KIF1B: variants seen among roughly 807,000 people sequenced by gnomAD.
The protein encoded by KIF1B is kinesin-like protein KIF1B.
Under a neutral mutation model 241.9 loss-of-function variants are expected in KIF1B, and 76 were observed. The ratio of observed to expected loss-of-function variants is 0.31; its 90% CI spans 0.26 to 0.38. The LOEUF is 0.38. Ranked by LOEUF, KIF1B falls within the 10% of genes least tolerant of loss-of-function variation. The probability of loss-of-function intolerance (pLI) is 1.00; values close to 1 mark genes in which losing one functional copy is unlikely to be tolerated. For synonymous variants in KIF1B, 750 were observed against 796.7 expected (o/e 0.94, Z 0.99); for missense variants, 1,622 against 2,271.4 (o/e 0.71, Z 5.81).
intron 40 of KIF1B, 115 bp from the exon 41 acceptor site, chr1:10,363,168 C>A: frequency 1.3e-6 from 1 of 762,468 alleles, no homozygotes; most frequent in Non-Finnish European, 2.2e-6. Flanking sequence ...TAAGAAATGC[C>A]TGGAATTATA....
At chr1:10,304,993 T>C in intron 22 of KIF1B, 5 of 1,122,020 alleles carry the variant, frequency 4.5e-6, no homozygotes, top group Non-Finnish European at 5.5e-6. Flanking sequence ...TAATCTGACA[T>C]CCAGAAAGAC....
rs1651741491 is a variant in KIF1B, at chr1:10,326,873, T to C, written c.2924+514T>C. ...GAGTAGAGTTAAATTTATTTTTTGC[T>C]TAGTCTACTGAATCCTAAAAAGAAT... On this transcript the variant is annotated intron_variant, in intron 27 of 48. Transcript: ENST00000676179. This position sits in a 1 kb window ranked among gnomAD's most constrained non-coding sequence, Gnocchi z 5.2. Among the ~76,000 whole-genome samples the C allele has an allele frequency of 6.6e-6, 1 of 152,206 alleles. No homozygotes were observed. The highest frequency in any genetic ancestry group is 1.5e-5 in the Non-Finnish European group (1 of 68,034).
rs1300236372 is a variant in KIF1B at position 10,361,747 on chromosome 1, A to G, written c.4226A>G (p.Tyr1409Cys). The change falls in exon 40 of 49, where the codon TAC (tyrosine) becomes TGC (cysteine). Residue 1409 changes from tyrosine (Y) to cysteine (C), a missense_variant. By Grantham distance (194) the Tyr-to-Cys change is radical (BLOSUM62 -2). This residue lies in a region of KIF1B where 803 missense variants were observed against 1,112.0 expected (regional missense o/e 0.72). Coordinates refer to ENST00000676179, the MANE Select transcript of KIF1B (RefSeq NM_001365951.3). ...ACCAAGGATGTGTGCATGGTCTTCTACTCCCGAGATGCCAAGATCTCACCA... is the reference window on the plus strand; with the variant it reads ...ACCAAGGATGTGTGCATGGTCTTCTGCTCCCGAGATGCCAAGATCTCACCA... ...VITKDVCMVF[Y>C]SRDAKISPPR... is the part of the protein sequence containing the mutation. The G allele has an allele frequency of 1.2e-6, 2 of 1,613,952 alleles. No homozygotes were observed. Among genetic ancestry groups the G allele is most frequent in the Non-Finnish European group, 1.7e-6 (2 of 1,179,996 alleles).
At chr1:10,304,594 A>C (rs1650731209) in intron 22 of KIF1B, 2 of 1,614,156 alleles carry the variant, frequency 1.2e-6, no homozygotes, top group South Asian at 2.2e-5. Context: ...TCCGCGGATG[A>C]GGAGACAGTT....
chr1:10,260,313 T>A (rs1473603941), intron 4 of KIF1B, among the ~76,000 whole-genome samples: 1 of 152,188 alleles, frequency 6.6e-6, no homozygotes, highest in Non-Finnish European at 1.5e-5. Flanking sequence ...TGCATAGTGC[T>A]CTTACACTGG....
At chr1:10,368,312 G>A (rs922357444) in intron 43 of KIF1B, among the ~76,000 whole-genome samples, 155 bp from the exon 44 acceptor site, 4 of 152,178 alleles carry the variant, frequency 2.6e-5, no homozygotes, top group Non-Finnish European at 4.4e-5. Context: ...ACCAATGAAC[G>A]GCAGATGGAC....
chr1:10,289,952 A>G (rs765027544), intron 15 of KIF1B, among the ~76,000 whole-genome samples: 9 of 152,140 alleles, frequency 5.9e-5, no homozygotes, highest in Non-Finnish European at 1.2e-4. Context: ...TACAATGTAA[A>G]TCTTATGAAG....
Position 10,378,048 on chromosome 1 carries a change from A to G in KIF1B, c.*1461A>G, listed in dbSNP as rs1638933381. ...AACCTGGAAGTCTCCCTCTGAATCC[A>G]GCAGTTGTTTTCATTGATGCTTGTC... On this transcript the variant is annotated 3_prime_UTR_variant, in exon 49 of 49. Coordinates refer to ENST00000676179, the MANE Select transcript of KIF1B (RefSeq NM_001365951.3). The G allele has an allele frequency of 2.4e-6, 1 of 411,072 alleles. No individual in the cohort carries two copies. 25.5% of individuals were successfully genotyped at this position (411,072 alleles called of 1,614,324 possible).
chr1:10,259,556 G>A (rs1648000755), intron 4 of KIF1B, among the ~76,000 whole-genome samples: 1 of 150,052 alleles, frequency 6.7e-6, no homozygotes, highest in Non-Finnish European at 1.5e-5. Context: ...AGGCTGGAGT[G>A]CAATGGCGCC....
chr1:10,241,228 C>T (rs2102149184), intron 2 of KIF1B, among the ~76,000 whole-genome samples: 1 of 152,112 alleles, frequency 6.6e-6, no homozygotes, highest in South Asian at 2.1e-4. Flanking sequence ...CCGCCTACCT[C>T]ACTCCCCTAG....
chr1:10,248,306 CT>C (rs1487070624), intron 2 of KIF1B, among the ~76,000 whole-genome samples: 1 of 151,920 alleles, frequency 6.6e-6, no homozygotes, highest in East Asian at 1.9e-4. Context: ...TGCAAATGAT[CT>C]TTCTGCCTCA....
chr1:10,320,420 T>C (rs1481675375), intron 23 of KIF1B, among the ~76,000 whole-genome samples: 1 of 152,178 alleles, frequency 6.6e-6, no homozygotes, highest in Non-Finnish European at 1.5e-5. Flanking sequence ...CTGTCTCTCA[T>C]ATTGCTGTAG....
chr1:10,217,418 A>G (rs1646784148), intron 1 of KIF1B, among the ~76,000 whole-genome samples: 1 of 149,734 alleles, frequency 6.7e-6, no homozygotes, highest in Admixed American at 6.7e-5. Flanking sequence ...CCTGGGTTCA[A>G]GCAATTCTCC....
intron 1 of KIF1B, among the ~76,000 whole-genome samples, chr1:10,222,394 C>T (rs1009073811): frequency 6.6e-6 from 1 of 151,984 alleles, no homozygotes; most frequent in Non-Finnish European, 1.5e-5. Context: ...TTGTGGAGGC[C>T]CTTGAACTTT....
intron 34 of KIF1B, among the ~76,000 whole-genome samples, chr1:10,345,421 G>A (rs1239645896): frequency 1.3e-5 from 2 of 152,170 alleles, no homozygotes; most frequent in African/African-American, 4.8e-5. Flanking sequence ...AACCACTGGG[G>A]TGGAGGATGG....
chr1:10,232,191 G>A, intron 1 of KIF1B, 59 bp from the exon 2 acceptor site: 1 of 660,748 alleles, frequency 1.5e-6, no homozygotes, highest in Non-Finnish European at 2.7e-6. Context: ...TTATGCTTAA[G>A]TTAGCCAGTT....
At chr1:10,372,657 GACAGA>G (rs1322196102) in intron 45 of KIF1B, among the ~76,000 whole-genome samples, 2 of 120,002 alleles carry the variant, frequency 1.7e-5, no homozygotes, top group African/African-American at 3.3e-5. Flanking sequence ...CAGCTTGGGT[GACAGA>G]GCTGTCACCC....
At position 10,221,280 on chromosome 1, in the gene KIF1B, C is replaced by T. The variant is rs147073606; in HGVS notation, c.-80+10402C>T. ...ACCCAGCTAATTTTTGTATTTTTAG[C>T]AGAGATGGCATTTCACCATGTTGGC... On this transcript the variant is annotated intron_variant, in intron 1 of 48. Transcript: ENST00000676179. Among the ~76,000 whole-genome samples the T allele has an allele frequency of 6.8e-3, 1,029 of 150,338 alleles. 11 individuals are homozygous for T. The highest frequency in any genetic ancestry group is 0.037 in the Middle Eastern group (11 of 294).
chr1:10,216,839 C>A (rs1272487572), intron 1 of KIF1B, among the ~76,000 whole-genome samples: 1 of 152,050 alleles, frequency 6.6e-6, no homozygotes, highest in Non-Finnish European at 1.5e-5. Context: ...CTGTTCTTTC[C>A]CCCAGTGTGA....
Sources: gnomAD v4.1 joint callset for allele counts (sites outside exome capture counted in the v4.1 genomes callset) on GRCh38, gnomAD v4.1.1 for gene constraint, gnomAD v4.1.1 regional missense constraint, Gnocchi (gnomAD v3.1) non-coding constraint, MANE v1.5 for transcripts, NCBI Gene and HGNC (gene_info 2026-07-23, HGNC 2026-07-21) for gene names.